The following CDH6 variants were observed in gnomAD, a reference collection of about 807,000 sequenced individuals.
CDH6 encodes cadherin 6.
CDH6 carries 31 observed loss-of-function variants against 78.0 expected under a neutral mutation model. The ratio of observed to expected loss-of-function variants is 0.40; its 90% CI spans 0.30 to 0.54. The LOEUF (loss-of-function observed/expected upper bound fraction) is 0.54. Among genes scored for constraint, CDH6 ranks in the 20% least tolerant of loss-of-function variants. The probability of loss-of-function intolerance (pLI) is 0.56; values close to 1 mark genes in which losing one functional copy is unlikely to be tolerated. For missense variants in CDH6, 724 were observed against 975.9 expected, an observed-to-expected ratio of 0.74 and a Z score of 3.44; for synonymous variants, 376 against 368.8, an observed-to-expected ratio of 1.02 and a Z score of -0.23.
intron 5 of CDH6, among the ~76,000 whole-genome samples, chr5:31,300,437 A>G (rs534236457): frequency 6.6e-6 from 1 of 152,318 alleles, no homozygotes; most frequent in East Asian, 1.9e-4. Flanking sequence ...AGAGCTATAC[A>G]TGGATCAATA....
At chr5:31,227,757 C>T (rs1221305459) in intron 1 of CDH6, among the ~76,000 whole-genome samples, 1 of 152,204 alleles carries the variant, frequency 6.6e-6, no homozygotes, top group Non-Finnish European at 1.5e-5. Context: ...TGCTCATCAA[C>T]ATGCCCAGTC....
rs952880904 is a variant in CDH6 at position 31,313,298 on chromosome 5, A to C, written c.1254-20A>C. On this transcript the variant is annotated intron_variant, in intron 7 of 11. Transcript: ENST00000265071. ...GAAATAGAAAGAAAAGCCTTTCTTA[A>C]TTCCACTCTGCATTTTCAGGTACTC... 6.2e-7 allele frequency: 1 copy of C among 1,601,590 alleles called. No homozygotes were observed. The highest frequency in any genetic ancestry group is 1.3e-5 in the African/African-American group (1 of 74,706).
intron 1 of CDH6, among the ~76,000 whole-genome samples, chr5:31,208,025 T>G (rs925784406): frequency 1.3e-5 from 2 of 152,196 alleles, no homozygotes; most frequent in Admixed American, 6.5e-5. Flanking sequence ...AACGCTAGAT[T>G]GGAGGCTGTG....
intron 1 of CDH6, among the ~76,000 whole-genome samples, chr5:31,253,162 C>A (rs146141442): frequency 6.6e-6 from 1 of 152,268 alleles, no homozygotes; most frequent in Non-Finnish European, 1.5e-5. Flanking sequence ...GGTCAGGGAT[C>A]TCATATGGTT....
At chr5:31,203,517 G>A (rs1408180294) in intron 1 of CDH6, among the ~76,000 whole-genome samples, 9 of 142,526 alleles carry the variant, frequency 6.3e-5, no homozygotes, top group Admixed American at 2.9e-4. Flanking sequence ...TTGTTCTTGC[G>A]ACAGTTTACT....
chr5:31,197,287 G>T (rs1445260296), intron 1 of CDH6, among the ~76,000 whole-genome samples: 1 of 152,180 alleles, frequency 6.6e-6, no homozygotes, highest in Non-Finnish European at 1.5e-5. Context: ...CAGCCTGCAG[G>T]TTTCAACTTC....
At chr5:31,314,633 AAGATT>A (rs1428060424) in intron 8 of CDH6, among the ~76,000 whole-genome samples, 5 of 152,062 alleles carry the variant, frequency 3.3e-5, no homozygotes, top group Non-Finnish European at 5.9e-5. Context: ...AGAATTTTTC[AAGATT>A]TATCTTGAAG....
At chr5:31,252,107 A>C (rs1449816059) in intron 1 of CDH6, among the ~76,000 whole-genome samples, 1 of 152,154 alleles carries the variant, frequency 6.6e-6, no homozygotes, top group Non-Finnish European at 1.5e-5. Flanking sequence ...CAACTATTGC[A>C]CTTCTGGCAT....
intron 11 of CDH6, chr5:31,318,441 A>G: frequency 3.9e-6 from 1 of 255,266 alleles, no homozygotes; most frequent in Non-Finnish European, 7.7e-6. Context: ...TTAAATGATT[A>G]CCTTCTTAGC....
intron 1 of CDH6, among the ~76,000 whole-genome samples, chr5:31,211,515 A>C (rs888166243): frequency 6.6e-6 from 1 of 152,166 alleles, no homozygotes; most frequent in African/African-American, 2.4e-5. Flanking sequence ...GTTTTATTGG[A>C]AAGGCGAATA....
chr5:31,282,343 G>A (rs1409831855), intron 2 of CDH6, among the ~76,000 whole-genome samples: 1 of 151,872 alleles, frequency 6.6e-6, no homozygotes, highest in African/African-American at 2.4e-5. Context: ...AGCTCATGGC[G>A]CCTTCCTCCG....
Position 31,204,389 on chromosome 5 carries a change from C to T in CDH6, c.-129+10503C>T, listed in dbSNP as rs530033726. On this transcript the variant is annotated intron_variant, in intron 1 of 11. Coordinates refer to ENST00000265071, the MANE Select transcript of CDH6 (RefSeq NM_004932.4). ...ATAACCACTTTCTCCCCAAACGTAACGCTAGGGAGGACGGGTACTTTATTT... is the reference window on the plus strand; with the variant it reads ...ATAACCACTTTCTCCCCAAACGTAATGCTAGGGAGGACGGGTACTTTATTT... 1.1e-4 allele frequency among the ~76,000 whole-genome samples: 17 copies of T among 152,180 alleles called. No homozygotes were observed. The South Asian group carries it at 1.7e-3, about 15-fold the overall frequency.
intron 1 of CDH6, among the ~76,000 whole-genome samples, chr5:31,222,668 T>C (rs2111834052): frequency 6.6e-6 from 1 of 152,218 alleles, no homozygotes; most frequent in African/African-American, 2.4e-5. Context: ...TAGAGATAAA[T>C]TCATTACACA....
At chr5:31,284,198 A>G (rs1341154781) in intron 2 of CDH6, among the ~76,000 whole-genome samples, 2 of 152,232 alleles carry the variant, frequency 1.3e-5, no homozygotes, top group African/African-American at 2.4e-5. Context: ...AATTCCATGT[A>G]TAAATGTAGT....
chr5:31,262,475 C>A (rs1742235909), intron 1 of CDH6, among the ~76,000 whole-genome samples: 1 of 152,148 alleles, frequency 6.6e-6, no homozygotes, highest in African/African-American at 2.4e-5. Flanking sequence ...AAGATCCCAA[C>A]AAAAAGAAAA....
At chr5:31,278,055 A>G (rs748649808) in intron 2 of CDH6, among the ~76,000 whole-genome samples, 9 of 152,084 alleles carry the variant, frequency 5.9e-5, no homozygotes, top group Non-Finnish European at 1.3e-4. Flanking sequence ...CCCTTAGCCA[A>G]TTTTAAGTAT....
chr5:31,312,041 A>C (rs1738173023), intron 7 of CDH6, among the ~76,000 whole-genome samples: 1 of 152,182 alleles, frequency 6.6e-6, no homozygotes, highest in Admixed American at 6.5e-5. Context: ...TCTCCTTCTT[A>C]AATATTTATC....
Position 31,324,653 on chromosome 5 carries a change from A to G in CDH6, c.*1345A>G, listed in dbSNP as rs1738577008. On this transcript the variant is annotated 3_prime_UTR_variant, in exon 12 of 12. Transcript: ENST00000265071. ...ATCCTGCCATCCTTGACTTTGAACT[A>G]ATGATAAAGTAATGATCTCAAACTA... 2 of 210,308 alleles carry G rather than the reference A, an allele frequency of 9.5e-6. No homozygotes were observed. Among genetic ancestry groups the G allele is most frequent in the Admixed American group, 5.9e-5 (1 of 17,042 alleles). The allele number at this position is 210,308 out of a possible 1,614,324, so 13.0% of individuals were successfully genotyped here. A position where few individuals can be genotyped will look rare whatever the true frequency, so the allele number is the denominator to read the frequency against.
chr5:31,314,506 G>A (rs1410011849), intron 8 of CDH6, among the ~76,000 whole-genome samples: 1 of 151,820 alleles, frequency 6.6e-6, no homozygotes, highest in Non-Finnish European at 1.5e-5. Flanking sequence ...CATGAGATTT[G>A]AAGTGACTAA....
Sources: allele counts gnomAD v4.1 joint callset (sites outside exome capture counted in the v4.1 genomes callset), GRCh38; gene constraint gnomAD v4.1.1; transcripts MANE v1.5; gene names NCBI Gene and HGNC (gene_info 2026-07-23, HGNC 2026-07-21).